The following ZNF316 variants were observed in gnomAD, a reference collection of about 807,000 sequenced individuals.
ZNF316 encodes zinc finger protein 316.
In ZNF316, 23 loss-of-function variants were observed where a neutral mutation model predicts 75.6. That is an observed-to-expected ratio of 0.30 (90% CI 0.22 to 0.43). The LOEUF (loss-of-function observed/expected upper bound fraction) is 0.43. ZNF316 is among the 20% of genes least tolerant of loss of function. ZNF316 has a pLI of 1.00. For missense variants in ZNF316, 1,266 were observed against 1,409.4 expected, an observed-to-expected ratio of 0.90 and a Z score of 1.63; for synonymous variants, 827 against 666.2, an observed-to-expected ratio of 1.24 and a Z score of -3.72.
Position 6,652,477 on chromosome 7 carries a change from C to T in ZNF316, c.881C>T (p.Pro294Leu). The change falls in exon 9 of 9, where the codon CCA (proline) becomes CTA (leucine). Residue 294 changes from proline (P) to leucine (L), a missense_variant. Physicochemically the swap from Pro to Leu is moderately conservative, Grantham distance 98. Transcript: ENST00000382252. ...GACGACTCGGATTCGGCGCAGACTC[C>T]AGAGGGGTGGGGACCCGACCCAGGC... is the stretch of plus-strand genomic sequence containing the variant. ...GPDDSDSAQTPEGWGPDPGGL... is the reference protein window; with the variant it reads ...GPDDSDSAQTLEGWGPDPGGL... 1 of 1,231,698 alleles carries T rather than the reference C, an allele frequency of 8.1e-7. No individual in the cohort carries two copies. The highest frequency in any genetic ancestry group is 3.2e-5 in the East Asian group (1 of 31,650). 76.3% of individuals were successfully genotyped at this position (1,231,698 alleles called of 1,614,324 possible).
intron 8 of ZNF316, among the ~76,000 whole-genome samples, chr7:6,651,471 A>G (rs868452322): frequency 3.9e-5 from 6 of 152,320 alleles, no homozygotes; most frequent in Middle Eastern, 3.4e-3. Flanking sequence ...CCTGGCCAAC[A>G]TGGCGAAACT....
chr7:6,649,642 CCTG>C, intron 8 of ZNF316, among the ~76,000 whole-genome samples: 1 of 152,212 alleles, frequency 6.6e-6, no homozygotes, highest in South Asian at 2.1e-4. Context: ...TCCCAGGGGC[CCTG>C]CTACTTCCTG....
Position 6,645,000 on chromosome 7 carries a change from C to A in ZNF316, c.706+407C>A, listed in dbSNP as rs548158937. 2.6e-5 allele frequency among the ~76,000 whole-genome samples: 4 copies of A among 152,314 alleles called. No homozygotes were observed. In the South Asian group the frequency reaches 6.2e-4, roughly 24 times the overall value. On this transcript the variant is annotated intron_variant, in intron 8 of 8. Coordinates refer to ENST00000382252, the MANE Select transcript of ZNF316 (RefSeq NM_001278559.2). Reference sequence around the variant, plus strand: ...GCCATGTCTGGGAAAAGGCTCCCCCCAGCTCCCTTGCTCTCCCTGGAGCAC... The same window carrying A: ...GCCATGTCTGGGAAAAGGCTCCCCCAAGCTCCCTTGCTCTCCCTGGAGCAC...
Position 6,652,807 on chromosome 7 carries a change from C to G in ZNF316, c.1211C>G (p.Pro404Arg), listed in dbSNP as rs922206332. Residue 404 changes from proline to arginine, a missense_variant, in exon 9 of 9, where the codon CCG (proline) becomes CGG (arginine). By Grantham distance (103) the Pro-to-Arg change is moderately radical (BLOSUM62 -2). Transcript: ENST00000382252. ...ACCGGCGAGAAGCCCTTCCCGTGCC[C>G]GGACTGCGGCAAGCGCTTCGTCTAC... ...THTGEKPFPCPDCGKRFVYKS... is the reference protein window; with the variant it reads ...THTGEKPFPCRDCGKRFVYKS... The G allele has an allele frequency of 2.4e-6, 3 of 1,268,766 alleles. No homozygotes were observed. Among genetic ancestry groups the G allele is most frequent in the Non-Finnish European group, 9.9e-7 (1 of 1,006,838 alleles). The allele number at this position is 1,268,766 out of a possible 1,614,324, so 78.6% of individuals were successfully genotyped here. A position where few individuals can be genotyped will look rare whatever the true frequency, so the allele number is the denominator to read the frequency against.
Position 6,639,952 on chromosome 7 carries a change from G to A in ZNF316, c.-167+811G>A, listed in dbSNP as rs1442734144. ...TGGCTTCTGGGAGAGGCTGGAGGTT[G>A]GGGTGGCGCTCCCAGGCGTAGTTCT... On this transcript the variant is annotated intron_variant, in intron 3 of 8. Coordinates refer to ENST00000382252, the MANE Select transcript of ZNF316 (RefSeq NM_001278559.2). This position sits in a 1 kb window ranked among gnomAD's most constrained non-coding sequence, Gnocchi z 4.2. Among the ~76,000 whole-genome samples, 2 of 152,178 alleles carry A rather than the reference G, an allele frequency of 1.3e-5. No homozygotes were observed. The highest frequency in any genetic ancestry group is 2.4e-5 in the African/African-American group (1 of 41,444).
Position 6,653,812 on chromosome 7 carries a change from G to A in ZNF316, c.2216G>A (p.Arg739His). ...VYGSHLARHR[R>H]THTGERPFPC... ...GGCTCGCACCTGGCGCGCCACCGGC[G>A]CACACACACCGGCGAGCGGCCCTTC... is the stretch of plus-strand genomic sequence containing the variant. The change falls in exon 9 of 9, where the codon CGC becomes CAC. Residue 739 changes from arginine (R) to histidine (H), a missense_variant. Arg to His is a conservative substitution (Grantham distance 29). Around this residue, in one of 3 missense-constraint regions of ZNF316, gnomAD observed 194 missense variants for 319.2 expected, o/e 0.61. Coordinates refer to ENST00000382252, the MANE Select transcript of ZNF316 (RefSeq NM_001278559.2). The A allele has an allele frequency of 9.3e-7, 1 of 1,080,072 alleles. No individual in the cohort carries two copies. The highest frequency in any genetic ancestry group is 1.1e-6 in the Non-Finnish European group (1 of 888,490). The allele number at this position is 1,080,072 out of a possible 1,614,324, so 66.9% of individuals were successfully genotyped here. A position where few individuals can be genotyped will look rare whatever the true frequency, so the allele number is the denominator to read the frequency against.
rs933318558 is a variant in ZNF316, at chr7:6,637,354, C to G, written c.-524C>G. The stretch of plus-strand genomic sequence containing the variant: ...CCACGCGCCGCCGTCGCGCAGCTCC[C>G]GGGCCGTCACTTTGTGTAGCGCGGG... On this transcript the variant is annotated 5_prime_UTR_variant, in exon 1 of 9. Coordinates refer to ENST00000382252, the MANE Select transcript of ZNF316 (RefSeq NM_001278559.2). This position sits in a 1 kb window ranked among gnomAD's most constrained non-coding sequence, Gnocchi z 6.2. The G allele has an allele frequency of 2.3e-4, 35 of 149,728 alleles. No individual in the cohort carries two copies. Among genetic ancestry groups the G allele is most frequent in the African/African-American group, 8.0e-4 (33 of 41,200 alleles). The allele number at this position is 149,728 out of a possible 1,614,324, so 9.3% of individuals were successfully genotyped here. A position where few individuals can be genotyped will look rare whatever the true frequency, so the allele number is the denominator to read the frequency against.
In ZNF316 at chr7:6,640,474, G is replaced by A. The variant is rs1291274500; in HGVS notation, c.-167+1333G>A. ...GGAGGCGCCACACACTTTTAAAGACGACCAGATGTCCTGTGAACTCATTAC... is the reference window on the plus strand; with the variant it reads ...GGAGGCGCCACACACTTTTAAAGACAACCAGATGTCCTGTGAACTCATTAC... On this transcript the variant is annotated intron_variant, in intron 3 of 8. Coordinates refer to ENST00000382252, the MANE Select transcript of ZNF316 (RefSeq NM_001278559.2). The surrounding 1 kb of genome is among the most constrained non-coding windows in gnomAD (Gnocchi z 5.1). Among the ~76,000 whole-genome samples the A allele has an allele frequency of 6.6e-6, 1 of 152,146 alleles. No individual in the cohort carries two copies. The highest frequency in any genetic ancestry group is 1.5e-5 in the Non-Finnish European group (1 of 68,014).
In ZNF316 at chr7:6,654,634, G is replaced by A. The variant is rs1779584816; in HGVS notation, c.*23G>A. On this transcript the variant is annotated 3_prime_UTR_variant, in exon 9 of 9. Transcript: ENST00000382252. ...TGAGGGGCCCGGGGCCGACAGCAGC[G>A]CAGCCTGCAGGGCCACCGGCCCCTC... 6 of 1,177,982 alleles carry A rather than the reference G, an allele frequency of 5.1e-6. No individual in the cohort carries two copies. The South Asian group carries it at 1.7e-4, about 33-fold the overall frequency. 73.0% of individuals were successfully genotyped at this position (1,177,982 alleles called of 1,614,324 possible). A position where few individuals can be genotyped will look rare whatever the true frequency, so the allele number is the denominator to read the frequency against.
In ZNF316 at chr7:6,642,421, C is replaced by T. The variant is rs1779326450; in HGVS notation, c.12C>T (p.Leu4=). The T allele has an allele frequency of 8.1e-7, 1 of 1,232,136 alleles. No individual in the cohort carries two copies. Among genetic ancestry groups the T allele is most frequent in the Non-Finnish European group, 1.0e-6 (1 of 988,100 alleles). The allele number at this position is 1,232,136 out of a possible 1,614,324, so 76.3% of individuals were successfully genotyped here. Residue 4 remains leucine, a synonymous_variant, in exon 5 of 9, where the codon CTC becomes CTT. Transcript: ENST00000382252. The surrounding 1 kb of genome is among the most constrained non-coding windows in gnomAD (Gnocchi z 8.1). MAA[L]HTTPDSPAAQ... is the part of the protein sequence containing the mutation. ...CGCTCCCAGGGAGGATGGCGGCGCT[C>T]CACACGACTCCCGACTCCCCAGCTG... is the stretch of plus-strand genomic sequence containing the variant.
intron 8 of ZNF316, among the ~76,000 whole-genome samples, chr7:6,646,392 T>G (rs1779403940): frequency 6.6e-6 from 1 of 152,138 alleles, no homozygotes; most frequent in Non-Finnish European, 1.5e-5. Context: ...TCCCTCAGCG[T>G]GTGGTCTACT....
chr7:6,654,403 C>T lies in ZNF316; in HGVS notation c.2807C>T (p.Thr936Met), dbSNP rs1779577264. Residue 936 changes from threonine to methionine, a missense_variant, in exon 9 of 9, where the codon ACG becomes ATG. Coordinates refer to ENST00000382252, the MANE Select transcript of ZNF316 (RefSeq NM_001278559.2). The stretch of plus-strand genomic sequence containing the variant: ...TCGCACTTGCTCACCCACATGAAGA[C>T]GCACCGCGGAGCCACCGCAGCGCCG... The part of the protein sequence containing the change: ...QSSHLLTHMK[T>M]HRGATAAPGS... 4 of 1,214,312 alleles carry T rather than the reference C, an allele frequency of 3.3e-6. No homozygotes were observed. The highest frequency in any genetic ancestry group is 4.1e-6 in the Non-Finnish European group (4 of 976,968). The allele number at this position is 1,214,312 out of a possible 1,614,324, so 75.2% of individuals were successfully genotyped here.
Position 6,641,842 on chromosome 7 carries a change from C to G in ZNF316, c.-149C>G, listed in dbSNP as rs994067383. On this transcript the variant is annotated 5_prime_UTR_variant, in exon 4 of 9. Transcript: ENST00000382252. ...TCCTGCAGGAAGAAGCCTGACCTGC[C>G]GGCTTCCTGGCACCTGTCTCTCCTC... 2.0e-5 allele frequency: 3 copies of G among 152,378 alleles called. No homozygotes were observed. The highest frequency in any genetic ancestry group is 7.2e-5 in the African/African-American group (3 of 41,476). The allele number at this position is 152,378 out of a possible 1,614,324, so 9.4% of individuals were successfully genotyped here. A position where few individuals can be genotyped will look rare whatever the true frequency, so the allele number is the denominator to read the frequency against.
chr7:6,642,468 A>G lies in ZNF316; in HGVS notation c.59A>G (p.Asp20Gly). 1 of 1,232,870 alleles carries G rather than the reference A, an allele frequency of 8.1e-7. No homozygotes were observed. The allele number at this position is 1,232,870 out of a possible 1,614,324, so 76.4% of individuals were successfully genotyped here. Reference protein sequence around the residue: ...SPAAQLERAEDGSECDPDQEE... With the variant: ...SPAAQLERAEGGSECDPDQEE... ...GCTGCCCAGCTGGAGCGGGCAGAGG[A>G]CGGGTCAGAGTGCGACCCTGACCAG... Residue 20 changes from aspartate to glycine, a missense_variant, in exon 5 of 9, where the codon GAC (aspartate) becomes GGC (glycine). By Grantham distance (94) the Asp-to-Gly change is moderately conservative. Coordinates refer to ENST00000382252, the MANE Select transcript of ZNF316 (RefSeq NM_001278559.2). The surrounding 1 kb of genome is among the most constrained non-coding windows in gnomAD (Gnocchi z 8.1).
Position 6,652,310 on chromosome 7 carries a change from G to A in ZNF316, c.714G>A (p.Trp238Ter). The A allele has an allele frequency of 8.1e-7, 1 of 1,232,358 alleles. No individual in the cohort carries two copies. The highest frequency in any genetic ancestry group is 1.0e-6 in the Non-Finnish European group (1 of 988,094). 76.3% of individuals were successfully genotyped at this position (1,232,358 alleles called of 1,614,324 possible). The change falls in exon 9 of 9, where the codon TGG becomes TGA. Residue 238 changes from tryptophan (W) to a stop codon, truncating the protein, a stop_gained. Transcript: ENST00000382252. LOFTEE classifies it high-confidence loss of function. ...TGCCTTTGTCACCTTCAGGAGCCTG[G>A]TTCTGGACGGACGACATAGAGGACC... ...DIVTGVYTGA[W>*]FWTDDIEDHE...
rs1167623750 is a variant in ZNF316 at position 6,642,493 on chromosome 7, G to GGAA, written c.90_92dup (p.Glu36dup). ...ACGGGTCAGAGTGCGACCCTGACCA[G>GGAA]GAAGAAGAGGAGGAGGAGGAGGAAA... On this transcript the variant is annotated inframe_insertion, in exon 5 of 9. Transcript: ENST00000382252. This position sits in a 1 kb window ranked among gnomAD's most constrained non-coding sequence, Gnocchi z 8.1. The GGAA allele has an allele frequency of 3.2e-6, 4 of 1,233,852 alleles. No individual in the cohort carries two copies. Among genetic ancestry groups the GGAA allele is most frequent in the Admixed American group, 8.4e-5 (2 of 23,720 alleles). The allele number at this position is 1,233,852 out of a possible 1,614,324, so 76.4% of individuals were successfully genotyped here.
At chr7:6,649,595 C>A (rs1779468628) in intron 8 of ZNF316, among the ~76,000 whole-genome samples, 1 of 152,216 alleles carries the variant, frequency 6.6e-6, no homozygotes, top group African/African-American at 2.4e-5. Flanking sequence ...TTCGACAGAG[C>A]CTGGCCTGGG....
At position 6,642,523 on chromosome 7, in the gene ZNF316, G is replaced by C; in HGVS notation, c.114G>C (p.Gly38=). ...QEEEEEEEEK[G]EEVQEVEEEE... is the part of the protein sequence containing the mutation. ...AAGAGGAGGAGGAGGAGGAAAAGGG[G>C]GAAGAGGTGCAGGAGGTGGAAGAAG... Residue 38 remains glycine (G), a synonymous_variant, in exon 5 of 9, where the codon GGG becomes GGC. Coordinates refer to ENST00000382252, the MANE Select transcript of ZNF316 (RefSeq NM_001278559.2). This position sits in a 1 kb window ranked among gnomAD's most constrained non-coding sequence, Gnocchi z 8.1. 8.1e-7 allele frequency: 1 copy of C among 1,232,524 alleles called. No homozygotes were observed. Among genetic ancestry groups the C allele is most frequent in the Non-Finnish European group, 1.0e-6 (1 of 987,396 alleles). 76.3% of individuals were successfully genotyped at this position (1,232,524 alleles called of 1,614,324 possible).
In ZNF316 at chr7:6,657,831, C is replaced by CAA. The variant is rs747347808; in HGVS notation, c.*3245_*3246dup. ...GTGACAGAACAAGACCCTATCTCAC[C>CAA]AAAAAAAAAAAAAAAAAAAAAAAAA... On this transcript the variant is annotated 3_prime_UTR_variant, in exon 9 of 9. Coordinates refer to ENST00000382252, the MANE Select transcript of ZNF316 (RefSeq NM_001278559.2). Among the ~76,000 whole-genome samples the CAA allele has an allele frequency of 0.053, 1,480 of 27,674 alleles. 217 individuals carry two copies. Among genetic ancestry groups the CAA allele is most frequent in the Non-Finnish European group, 0.067 (1,033 of 15,518 alleles). The allele number at this position is 27,674 out of a possible 152,430, so 18.2% of individuals were successfully genotyped here.
Sources: allele counts gnomAD v4.1 joint callset (sites outside exome capture counted in the v4.1 genomes callset), GRCh38; gene constraint gnomAD v4.1.1; regional missense constraint gnomAD v4.1.1; non-coding constraint Gnocchi (gnomAD v3.1); transcripts MANE v1.5; gene names NCBI Gene and HGNC (gene_info 2026-07-23, HGNC 2026-07-21).